SLC24A2: variants seen among roughly 807,000 people sequenced by gnomAD.
SLC24A2 encodes solute carrier family 24 member 2.
In SLC24A2, 36 loss-of-function variants were observed where a neutral mutation model predicts 62.0. That is an observed-to-expected ratio of 0.58 (90% CI 0.44 to 0.77). The LOEUF is 0.77. Ranked by LOEUF, SLC24A2 falls within the 30% of genes least tolerant of loss-of-function variation. The probability of loss-of-function intolerance (pLI) is 0.00; values close to 1 mark genes in which losing one functional copy is unlikely to be tolerated. For missense variants in SLC24A2, 846 were observed against 817.9 expected, an observed-to-expected ratio of 1.03 and a Z score of -0.42; for synonymous variants, 358 against 294.0, an observed-to-expected ratio of 1.22 and a Z score of -2.23.
the SLC24A2 span, among the ~76,000 whole-genome samples, chr9:19,972,974 G>A: frequency 6.6e-6 from 1 of 152,142 alleles, no homozygotes; most frequent in East Asian, 1.9e-4. Context: ...TGGGGGGTGG[G>A]AAGAGGATGA....
chr9:20,192,783 T>A, the SLC24A2 span, among the ~76,000 whole-genome samples: 1 of 152,098 alleles, frequency 6.6e-6, no homozygotes, highest in South Asian at 2.1e-4. Flanking sequence ...CTTGATTAAT[T>A]CCAACATGCA....
the SLC24A2 span, among the ~76,000 whole-genome samples, chr9:20,073,322 T>C: frequency 6.6e-6 from 1 of 152,186 alleles, no homozygotes; most frequent in Non-Finnish European, 1.5e-5. Flanking sequence ...AGATGATCTG[T>C]TTAAAGGGCT....
chr9:19,785,393 C>A (rs994095653), intron 2 of SLC24A2, among the ~76,000 whole-genome samples: 1 of 152,184 alleles, frequency 6.6e-6, no homozygotes, highest in East Asian at 1.9e-4. Context: ...TGACCTAAGA[C>A]ATGATTGTGT....
At chr9:19,746,099 T>C (rs1352037682) in intron 2 of SLC24A2, among the ~76,000 whole-genome samples, 1 of 152,022 alleles carries the variant, frequency 6.6e-6, no homozygotes, top group Non-Finnish European at 1.5e-5. Flanking sequence ...AATCTGTTTT[T>C]TTTTCTCTCT....
chr9:19,873,278 T>C, the SLC24A2 span, among the ~76,000 whole-genome samples: 440 of 151,760 alleles, frequency 2.9e-3, 7 homozygotes, highest in African/African-American at 9.9e-3. Context: ...TTTTCTCTCT[T>C]TCTTTCTTTC....
At chr9:19,594,913 A>C (rs1836664640) in intron 5 of SLC24A2, among the ~76,000 whole-genome samples, 1 of 152,256 alleles carries the variant, frequency 6.6e-6, no homozygotes. Flanking sequence ...GGTTTAAGCC[A>C]GACTTGGCTT....
chr9:19,680,747 AT>A (rs1239993599), intron 2 of SLC24A2, among the ~76,000 whole-genome samples: 3 of 152,072 alleles, frequency 2.0e-5, no homozygotes, highest in Non-Finnish European at 4.4e-5. Flanking sequence ...TGAAAACTCA[AT>A]TTCACAATGT....
intron 2 of SLC24A2, among the ~76,000 whole-genome samples, chr9:19,757,976 T>G (rs1402606405): frequency 2.0e-5 from 3 of 152,156 alleles, no homozygotes; most frequent in Admixed American, 2.0e-4. Context: ...TTTTTCATGT[T>G]AGAACCCTGT....
the SLC24A2 span, among the ~76,000 whole-genome samples, chr9:20,005,988 A>G: frequency 6.6e-6 from 1 of 151,788 alleles, no homozygotes; most frequent in Non-Finnish European, 1.5e-5. Context: ...GGAAATTTGT[A>G]TATATATTCT....
At chr9:20,222,182 C>A in the SLC24A2 span, among the ~76,000 whole-genome samples, 1 of 150,790 alleles carries the variant, frequency 6.6e-6, no homozygotes, top group Non-Finnish European at 1.5e-5. Flanking sequence ...GTAAGAGTGA[C>A]AACTAAAATA....
chr9:19,764,632 T>C (rs1010737853), intron 2 of SLC24A2, among the ~76,000 whole-genome samples: 2 of 152,260 alleles, frequency 1.3e-5, no homozygotes, highest in Non-Finnish European at 2.9e-5. Flanking sequence ...TTCTTTATCC[T>C]GAGTTCTATT....
At chr9:19,570,035 A>G (rs1197792786) in intron 7 of SLC24A2, among the ~76,000 whole-genome samples, 1 of 152,224 alleles carries the variant, frequency 6.6e-6, no homozygotes, top group Non-Finnish European at 1.5e-5. Context: ...CTTTGGGGCC[A>G]TGTATAATCA....
chr9:19,610,758 G>T (rs930538913), intron 4 of SLC24A2, among the ~76,000 whole-genome samples: 1 of 152,212 alleles, frequency 6.6e-6, no homozygotes, highest in Non-Finnish European at 1.5e-5. Flanking sequence ...AACTTTGTTG[G>T]TCACTACAAC....
chr9:20,120,619 G>T, the SLC24A2 span, among the ~76,000 whole-genome samples: 1 of 152,056 alleles, frequency 6.6e-6, no homozygotes, highest in African/African-American at 2.4e-5. Context: ...TTACCTGGGT[G>T]ATAGAATTAT....
the SLC24A2 span, among the ~76,000 whole-genome samples, chr9:20,100,739 T>A: frequency 6.6e-6 from 1 of 152,270 alleles, no homozygotes; most frequent in Non-Finnish European, 1.5e-5. Context: ...AAGTTGTCAG[T>A]CTGAATATTT....
chr9:19,948,595 C>G, the SLC24A2 span, among the ~76,000 whole-genome samples: 1 of 152,130 alleles, frequency 6.6e-6, no homozygotes, highest in South Asian at 2.1e-4. Flanking sequence ...CGGTGGCTCA[C>G]GCCTGTAATC....
At chr9:19,635,284 T>C (rs1209302689) in intron 2 of SLC24A2, among the ~76,000 whole-genome samples, 1 of 152,210 alleles carries the variant, frequency 6.6e-6, no homozygotes, top group Non-Finnish European at 1.5e-5. Context: ...ACATGAGAAA[T>C]ATCCCATCAA....
At chr9:19,665,238 T>C (rs1819215994) in intron 2 of SLC24A2, among the ~76,000 whole-genome samples, 1 of 152,154 alleles carries the variant, frequency 6.6e-6, no homozygotes, top group African/African-American at 2.4e-5. Context: ...TTTAGAAGTG[T>C]TGTTATTGTC....
chr9:20,019,133 GAAAGAAAGAAAGAAAGAA>G, the SLC24A2 span, among the ~76,000 whole-genome samples: 24 of 105,340 alleles, frequency 2.3e-4, 1 homozygote, highest in African/African-American at 7.2e-4. Flanking sequence ...AAGAAAGAAA[GAAAGAAAGAAAGAAAGAA>G]AGAAAGAGAG....
Sources: allele counts gnomAD v4.1 joint callset (sites outside exome capture counted in the v4.1 genomes callset), GRCh38; gene constraint gnomAD v4.1.1; transcripts MANE v1.5; gene names NCBI Gene and HGNC (gene_info 2026-07-23, HGNC 2026-07-21).